The following DGAT1 variants were observed in gnomAD, a reference collection of about 807,000 sequenced individuals.
DGAT1 encodes the protein ACAT related gene product 1.
In DGAT1, 60 loss-of-function variants were observed where a neutral mutation model predicts 72.6. That is an observed-to-expected ratio of 0.83 (90% CI 0.67 to 1.02). The LOEUF (loss-of-function observed/expected upper bound fraction) is 1.02. Among genes scored for constraint, DGAT1 ranks in the 50% least tolerant of loss-of-function variants. DGAT1 has a pLI of 0.00. For missense variants in DGAT1, 592 were observed against 670.0 expected (o/e 0.88, Z 1.29); for synonymous variants, 290 against 267.5 (o/e 1.08, Z -0.82).
rs189862978 is a variant in DGAT1 at position 144,321,347 on chromosome 8, T to C, written c.262A>G (p.Ile88Val). The C allele has an allele frequency of 2.4e-5, 38 of 1,614,012 alleles. No homozygotes were observed. Among genetic ancestry groups the C allele is most frequent in the Non-Finnish European group, 7.6e-6 (9 of 1,179,966 alleles). The part of the protein sequence containing the change: ...SDSGFSNYRG[I>V]LNWCVVMLIL... ...AGCATCACCACACACCAGTTCAGGA[T>C]GCCACGGTAGTTGCTGAAGCCACTG... The change falls in exon 2 of 17, where the codon ATC becomes GTC. Residue 88 changes from isoleucine (I) to valine (V), a missense_variant. Physicochemically the swap from Ile to Val is conservative, Grantham distance 29. Coordinates refer to ENST00000528718, the MANE Select transcript of DGAT1 (RefSeq NM_012079.6).
In DGAT1 at chr8:144,315,854, A is replaced by G; in HGVS notation, c.*700T>C. 1.0e-6 allele frequency: 1 copy of G among 985,458 alleles called. No homozygotes were observed. Among genetic ancestry groups the G allele is most frequent in the South Asian group, 4.7e-5 (1 of 21,294 alleles). 61.0% of individuals were successfully genotyped at this position (985,458 alleles called of 1,614,324 possible). A position where few individuals can be genotyped will look rare whatever the true frequency, so the allele number is the denominator to read the frequency against. ...CCCCAAGGCGAATAGCCATGGACAT[A>G]GCCATTGTGTACCGTAGCCCCTCGG... is the stretch of plus-strand genomic sequence containing the variant. On this transcript the variant is annotated 3_prime_UTR_variant, in exon 17 of 17. Transcript: ENST00000528718.
chr8:144,323,497 C>CCAG (rs1199929911), intron 1 of DGAT1, among the ~76,000 whole-genome samples: 2 of 152,150 alleles, frequency 1.3e-5, no homozygotes, highest in Non-Finnish European at 2.9e-5. Flanking sequence ...GTCAGTGCGG[C>CCAG]CAGCAGCATG....
In DGAT1 at chr8:144,318,477, A is replaced by C. The variant is rs1554847630; in HGVS notation, c.558T>G (p.Val186=). The C allele has an allele frequency of 2.5e-6, 4 of 1,611,460 alleles. No homozygotes were observed. In the East Asian group the frequency reaches 6.7e-5, roughly 27 times the overall value. The change falls in exon 6 of 17, where the codon GTT becomes GTG. Residue 186 remains valine, a synonymous_variant. Transcript: ENST00000528718. ...GGGGCGCACCTGGAGTGATAGACTCAACCAGTAAGACCACAGCCGCTGGGA... is the reference window on the plus strand; with the variant it reads ...GGGGCGCACCTGGAGTGATAGACTCCACCAGTAAGACCACAGCCGCTGGGA... ...LCFPAAVVLL[V]ESITPVGSLL... is the part of the protein sequence containing the mutation.
At chr8:144,322,735 G>T (rs1554848323) in intron 1 of DGAT1, among the ~76,000 whole-genome samples, 2 of 152,118 alleles carry the variant, frequency 1.3e-5, no homozygotes, top group African/African-American at 4.8e-5. Context: ...ATCTAGACTG[G>T]AACACAGGGG....
intron 2 of DGAT1, among the ~76,000 whole-genome samples, chr8:144,319,619 T>C (rs1394430279): frequency 6.6e-6 from 1 of 151,940 alleles, no homozygotes; most frequent in African/African-American, 2.4e-5. Context: ...GGGCCTGGAG[T>C]GCTTCCCAGG....
Position 144,317,574 on chromosome 8 carries a change from T to G in DGAT1, c.951A>C (p.Ser317=). 6.2e-7 allele frequency: 1 copy of G among 1,613,810 alleles called. No individual in the cohort carries two copies. The highest frequency in any genetic ancestry group is 1.1e-5 in the South Asian group (1 of 91,080). The change falls in exon 12 of 17, where the codon TCA becomes TCC. Residue 317 remains serine (S), a synonymous_variant. Transcript: ENST00000528718. ...SMKPFKDMDY[S]RIIERLLKLA... ...GCTTCAGGAGGCGCTCGATGATGCG[T>G]GAGTAGTCCATGTCCTGCAGAAACA... is the stretch of plus-strand genomic sequence containing the variant.
chr8:144,316,572 G>A lies in DGAT1; in HGVS notation c.1449C>T (p.Ala483=). Residue 483 remains alanine (A), a synonymous_variant, in exon 17 of 17, where the codon GCC becomes GCT. Transcript: ENST00000528718. ...GTGCAGCTCAGGCCTCTGCCGCTGG[G>A]GCCTCATAGTTGAGCACGTAGTAGT... is the stretch of plus-strand genomic sequence containing the variant. ...VHDYYVLNYE[A]PAAEA 6.3e-7 allele frequency: 1 copy of A among 1,599,468 alleles called. No homozygotes were observed. Among genetic ancestry groups the A allele is most frequent in the Non-Finnish European group, 8.5e-7 (1 of 1,173,676 alleles).
At position 144,326,736 on chromosome 8, in the gene DGAT1, A is replaced by G; in HGVS notation, c.-100T>C. ...CTCCGGGCCCTAGACAACGGCCGCC[A>G]CTGCCCCCTGCCGGCCGCCGTAGCC... On this transcript the variant is annotated 5_prime_UTR_variant, in exon 1 of 17. Transcript: ENST00000528718. 5.0e-6 allele frequency: 5 copies of G among 990,796 alleles called. No individual in the cohort carries two copies. Among genetic ancestry groups the G allele is most frequent in the Non-Finnish European group, 4.9e-6 (4 of 808,468 alleles). The allele number at this position is 990,796 out of a possible 1,614,324, so 61.4% of individuals were successfully genotyped here.
Position 144,326,313 on chromosome 8 carries a change from A to AG in DGAT1, c.200+123dup, listed in dbSNP as rs1469271209. 128 of 923,394 alleles carry AG rather than the reference A, an allele frequency of 1.4e-4. 1 individual carries two copies. The African/African-American group carries it at 1.9e-3, about 14-fold the overall frequency. 57.2% of individuals were successfully genotyped at this position (923,394 alleles called of 1,614,324 possible). ...GCCTCAGTTTCCCCACAGGGCCCAT[A>AG]GGGCACACCGATCCCCGCTTAGCCC... On this transcript the variant is annotated intron_variant, in intron 1 of 16. Coordinates refer to ENST00000528718, the MANE Select transcript of DGAT1 (RefSeq NM_012079.6).
chr8:144,316,425 G>A lies in DGAT1; in HGVS notation c.*129C>T. ...GGACAGAGCCCCATAGGGGCAGAGAGGCCTCCCTGGGACCAGAGGAGGATG... is the reference window on the plus strand; with the variant it reads ...GGACAGAGCCCCATAGGGGCAGAGAAGCCTCCCTGGGACCAGAGGAGGATG... On this transcript the variant is annotated 3_prime_UTR_variant, in exon 17 of 17. Transcript: ENST00000528718. 8.4e-7 allele frequency: 1 copy of A among 1,193,912 alleles called. No homozygotes were observed. Among genetic ancestry groups the A allele is most frequent in the East Asian group, 2.6e-5 (1 of 39,016 alleles). The allele number at this position is 1,193,912 out of a possible 1,614,324, so 74.0% of individuals were successfully genotyped here.
At chr8:144,324,093 A>G (rs929657677) in intron 1 of DGAT1, among the ~76,000 whole-genome samples, 2 of 152,334 alleles carry the variant, frequency 1.3e-5, no homozygotes, top group Admixed American at 1.3e-4. Context: ...GGGTGTGTGC[A>G]AAGAGCCTGG....
At chr8:144,321,258 G>A (rs1554848082) in intron 2 of DGAT1, 63 bp downstream of exon 2, 2 of 1,527,038 alleles carry the variant, frequency 1.3e-6, no homozygotes, top group East Asian at 2.3e-5. Context: ...CTCAGGCAAA[G>A]GCCAGCCTGG....
chr8:144,319,130 G>A (rs1554847823), intron 2 of DGAT1, 62 bp from the exon 3 acceptor site: 2 of 1,539,244 alleles, frequency 1.3e-6, no homozygotes, highest in African/African-American at 2.7e-5. Context: ...ACTCACCCCA[G>A]ATCCTCCCAA....
In DGAT1 at chr8:144,317,907, A is replaced by G. The variant is rs1554847431; in HGVS notation, c.855+7T>C. On this transcript the variant is annotated splice_region_variant and intron_variant, in intron 9 of 16. Transcript: ENST00000528718. ...CTCCAGTGGCTGCCCCCAGCCCCCA[A>G]CCTCACCATCTCAAGGATCCGTCGC... is the stretch of plus-strand genomic sequence containing the variant. 1.3e-6 allele frequency: 2 copies of G among 1,528,294 alleles called. No individual in the cohort carries two copies. The highest frequency in any genetic ancestry group is 1.4e-5 in the African/African-American group (1 of 72,098). 94.7% of individuals were successfully genotyped at this position (1,528,294 alleles called of 1,614,324 possible).
At position 144,316,838 on chromosome 8, in the gene DGAT1, G is replaced by A. The variant is rs781811575; in HGVS notation, c.1311+15C>T. On this transcript the variant is annotated intron_variant, in intron 16 of 16. Coordinates refer to ENST00000528718, the MANE Select transcript of DGAT1 (RefSeq NM_012079.6). Reference sequence around the variant, plus strand: ...GTAACTGGGCGAGTGAGGAGGCCACGTGGGGGTCACTCACCTGAGCCATCA... The same window carrying A: ...GTAACTGGGCGAGTGAGGAGGCCACATGGGGGTCACTCACCTGAGCCATCA... The A allele has an allele frequency of 2.3e-5, 37 of 1,607,060 alleles. No homozygotes were observed. The Admixed American group carries it at 3.7e-4, about 16-fold the overall frequency.
Position 144,317,961 on chromosome 8 carries a change from A to G in DGAT1, c.808T>C (p.Ser270Pro). ...TLCYELNFPR[S>P]PRIRKRFLLR... is the part of the protein sequence containing the mutation. ...AGAAAGCGCTTCCGGATGCGGGGAG[A>G]GCGGGGAAAGTTGAGCTCGTAGCAC... Residue 270 changes from serine to proline, a missense_variant, in exon 9 of 17, where the codon TCT (serine) becomes CCT (proline). Physicochemically the swap from Ser to Pro is moderately conservative, Grantham distance 74 (BLOSUM62 -1). Transcript: ENST00000528718. 6.6e-7 allele frequency: 1 copy of G among 1,519,640 alleles called. No individual in the cohort carries two copies. 94.1% of individuals were successfully genotyped at this position (1,519,640 alleles called of 1,614,324 possible).
At position 144,326,531 on chromosome 8, in the gene DGAT1, C is replaced by T; in HGVS notation, c.106G>A (p.Ala36Thr). 2.4e-6 allele frequency: 3 copies of T among 1,271,380 alleles called. No individual in the cohort carries two copies. The highest frequency in any genetic ancestry group is 3.1e-5 in the African/African-American group (2 of 64,500). The allele number at this position is 1,271,380 out of a possible 1,614,324, so 78.8% of individuals were successfully genotyped here. A position where few individuals can be genotyped will look rare whatever the true frequency, so the allele number is the denominator to read the frequency against. The change falls in exon 1 of 17, where the codon GCG becomes ACG. Residue 36 changes from alanine to threonine, a missense_variant. By Grantham distance (58) the Ala-to-Thr change is moderately conservative. Transcript: ENST00000528718. ...AAEEEVRDAA[A>T]GPDVGAAGDA... ...CCCGCGGCTCCCACGTCGGGGCCCG[C>T]AGCGGCGTCCCGCACCTCCTCTTCC...
chr8:144,317,598 C>G lies in DGAT1; in HGVS notation c.937-10G>C, dbSNP rs1457151984. On this transcript the variant is annotated splice_polypyrimidine_tract_variant and intron_variant, in intron 11 of 16. Coordinates refer to ENST00000528718, the MANE Select transcript of DGAT1 (RefSeq NM_012079.6). ...GTGAGTAGTCCATGTCCTGCAGAAA[C>G]AAGCCCTTCAGCTAGCCATGCTCCT... 6.2e-7 allele frequency: 1 copy of G among 1,613,798 alleles called. No homozygotes were observed. The highest frequency in any genetic ancestry group is 1.3e-5 in the African/African-American group (1 of 74,926).
Position 144,318,925 on chromosome 8 carries a change from G to A in DGAT1, c.330-5C>T, listed in dbSNP as rs1817353820. On this transcript the variant is annotated splice_region_variant and splice_polypyrimidine_tract_variant and intron_variant, in intron 3 of 16. Transcript: ENST00000528718. ...GGGTCCACCAGGATGCCATACCTGG[G>A]GGTGGAGGGATGGGGGTCTGAGTGG... 1.2e-6 allele frequency: 2 copies of A among 1,608,616 alleles called. No individual in the cohort carries two copies. The highest frequency in any genetic ancestry group is 2.2e-5 in the South Asian group (2 of 90,308).
Sources: allele counts gnomAD v4.1 joint callset (sites outside exome capture counted in the v4.1 genomes callset), GRCh38; gene constraint gnomAD v4.1.1; transcripts MANE v1.5; gene names NCBI Gene and HGNC (gene_info 2026-07-23, HGNC 2026-07-21).